The following KIAA1217 variants were observed in gnomAD, a reference collection of about 807,000 sequenced individuals.
The protein encoded by KIAA1217 is sickle tail protein homolog.
Under a neutral mutation model 163.9 loss-of-function variants are expected in KIAA1217, and 88 were observed. The ratio of observed to expected loss-of-function variants is 0.54; its 90% CI spans 0.45 to 0.64. The LOEUF is 0.64. Ranked by LOEUF, KIAA1217 falls within the 30% of genes least tolerant of loss-of-function variation. The pLI is 0.00. For missense variants in KIAA1217, 2,372 were observed against 2,475.0 expected (o/e 0.96, Z 0.88); for synonymous variants, 903 against 923.1 (o/e 0.98, Z 0.39).
At chr10:24,303,206 G>A (rs1261680617) in intron 2 of KIAA1217, among the ~76,000 whole-genome samples, 2 of 151,806 alleles carry the variant, frequency 1.3e-5, no homozygotes, top group African/African-American at 4.8e-5. Flanking sequence ...TTTAGAGACA[G>A]GATCTTGCTG....
At chr10:24,417,563 G>A (rs2058360788) in intron 3 of KIAA1217, among the ~76,000 whole-genome samples, 2 of 152,320 alleles carry the variant, frequency 1.3e-5, no homozygotes, top group South Asian at 2.1e-4. Flanking sequence ...TTCCACGAGA[G>A]CATAGACTGA....
chr10:23,944,146 C>T (rs555894905), intron 1 of KIAA1217, among the ~76,000 whole-genome samples: 16 of 152,210 alleles, frequency 1.1e-4, no homozygotes, highest in South Asian at 8.3e-4. Flanking sequence ...ATAAGTAGGC[C>T]GGGCACGGTG....
upstream of KIAA1217, among the ~76,000 whole-genome samples, chr10:24,206,872 G>T (rs945526272): frequency 2.0e-5 from 3 of 152,246 alleles, no homozygotes; most frequent in Admixed American, 6.5e-5. Context: ...GACCAAGGGG[G>T]TTCCTTGGGC....
At chr10:23,897,698 A>C (rs1841765993) in intron 1 of KIAA1217, among the ~76,000 whole-genome samples, 1 of 152,024 alleles carries the variant, frequency 6.6e-6, no homozygotes, top group Non-Finnish European at 1.5e-5. Flanking sequence ...TTCAACCTTC[A>C]TTGAACACTG....
At position 23,863,378 on chromosome 10, in the gene KIAA1217, G is replaced by A. The variant is rs371312792; in HGVS notation, c.-320-143847G>A. Among the ~76,000 whole-genome samples, 27 of 152,184 alleles carry A rather than the reference G, an allele frequency of 1.8e-4. 1 individual carries two copies. The highest frequency in any genetic ancestry group is 6.5e-4 in the African/African-American group (27 of 41,526). On this transcript the variant is annotated intron_variant, in intron 1 of 18. Coordinates refer to the KIAA1217 transcript ENST00000376462. ...TCCATTGTGATAGTATTAAGAGGTGGGACTTTTAAGAGCTAATGAGGCTAT... is the reference window on the plus strand; with the variant it reads ...TCCATTGTGATAGTATTAAGAGGTGAGACTTTTAAGAGCTAATGAGGCTAT...
Position 24,219,892 on chromosome 10 carries a change from G to A in KIAA1217, c.337G>A (p.Glu113Lys). 1 of 1,601,092 alleles carries A rather than the reference G, an allele frequency of 6.2e-7. No homozygotes were observed. The highest frequency in any genetic ancestry group is 8.5e-7 in the Non-Finnish European group (1 of 1,173,276). The stretch of plus-strand genomic sequence containing the variant: ...CGCCTCTGCAATCATGGGTCACCAA[G>A]AGAGGCTGAGAGACCAGGTACGAAT... ...HHASAIMGHQ[E>K]RLRDQTRSPK... Residue 113 changes from glutamate (E) to lysine (K), a missense_variant, in exon 2 of 21, where the codon GAG (glutamate) becomes AAG (lysine). Physicochemically the swap from Glu to Lys is moderately conservative, Grantham distance 56 (BLOSUM62 1). Around this residue, in one of 3 missense-constraint regions of KIAA1217, gnomAD observed 1,431 missense variants for 1,470.3 expected, o/e 0.97. Transcript: ENST00000376454.
chr10:23,749,684 C>T (rs531407515), intron 1 of KIAA1217, among the ~76,000 whole-genome samples: 3 of 152,316 alleles, frequency 2.0e-5, no homozygotes, highest in East Asian at 3.9e-4. Context: ...GGATTATAGG[C>T]GTGAGCCACC....
At chr10:23,826,092 G>A (rs180920640) in intron 1 of KIAA1217, among the ~76,000 whole-genome samples, 1 of 152,124 alleles carries the variant, frequency 6.6e-6, no homozygotes, top group East Asian at 1.9e-4. Flanking sequence ...CCCTAACTTT[G>A]TGATGTAAGA....
chr10:24,113,127 G>T (rs938646675), intron 2 of KIAA1217, among the ~76,000 whole-genome samples: 1 of 152,114 alleles, frequency 6.6e-6, no homozygotes, highest in South Asian at 2.1e-4. Flanking sequence ...GTGACAACGT[G>T]TTACAGTAGC....
At chr10:24,457,249 A>G (rs1448054149) in intron 5 of KIAA1217, among the ~76,000 whole-genome samples, 1 of 152,162 alleles carries the variant, frequency 6.6e-6, no homozygotes, top group Non-Finnish European at 1.5e-5. Context: ...TTGAGGGAAG[A>G]TAAGCTACCT....
At chr10:24,079,415 C>T (rs967748798) in intron 2 of KIAA1217, among the ~76,000 whole-genome samples, 2 of 152,134 alleles carry the variant, frequency 1.3e-5, no homozygotes, top group Admixed American at 1.3e-4. Flanking sequence ...TGTCCACGCT[C>T]TCCTGGTACA....
chr10:23,830,595 AAG>A (rs35538168), intron 1 of KIAA1217, among the ~76,000 whole-genome samples: 55 of 152,092 alleles, frequency 3.6e-4, no homozygotes, highest in Non-Finnish European at 7.1e-4. Context: ...GCATGAAAGA[AAG>A]AGAGAGAGAA....
At chr10:24,416,310 G>A (rs1328923740) in intron 3 of KIAA1217, among the ~76,000 whole-genome samples, 1 of 152,152 alleles carries the variant, frequency 6.6e-6, no homozygotes, top group Non-Finnish European at 1.5e-5. Flanking sequence ...TCAGATCCCT[G>A]CAGAAGTAGA....
At chr10:23,890,245 T>G (rs1410109717) in intron 1 of KIAA1217, among the ~76,000 whole-genome samples, 1 of 151,738 alleles carries the variant, frequency 6.6e-6, no homozygotes, top group East Asian at 1.9e-4. Flanking sequence ...TGATCTTTGT[T>G]ATTTTCTTAT....
intron 1 of KIAA1217, among the ~76,000 whole-genome samples, chr10:23,828,872 C>T (rs1297830949): frequency 6.6e-6 from 1 of 152,162 alleles, no homozygotes; most frequent in African/African-American, 2.4e-5. Flanking sequence ...TGGATTTTCT[C>T]TGCCTTTTTG....
chr10:24,099,345 C>G (rs2062301403), intron 2 of KIAA1217, among the ~76,000 whole-genome samples: 1 of 150,940 alleles, frequency 6.6e-6, no homozygotes, highest in African/African-American at 2.4e-5. Flanking sequence ...TTCCCCTACC[C>G]CACGGCAGGT....
intron 2 of KIAA1217, among the ~76,000 whole-genome samples, chr10:24,377,624 T>C (rs2052688191): frequency 6.6e-6 from 1 of 152,236 alleles, no homozygotes; most frequent in Non-Finnish European, 1.5e-5. Flanking sequence ...AGAGTAAGAT[T>C]TCTTTAATGC....
At chr10:24,461,262 T>G (rs901172052) in intron 5 of KIAA1217, among the ~76,000 whole-genome samples, 13 of 152,338 alleles carry the variant, frequency 8.5e-5, no homozygotes, top group Admixed American at 2.6e-4. Flanking sequence ...TAAAGTTATA[T>G]AACACTCCAT....
chr10:24,329,812 G>A (rs1465793191), intron 2 of KIAA1217, among the ~76,000 whole-genome samples: 1 of 152,094 alleles, frequency 6.6e-6, no homozygotes, highest in Non-Finnish European at 1.5e-5. Flanking sequence ...TTGGAGAAGT[G>A]GCCATTAGCA....
Sources: gnomAD v4.1 joint callset for allele counts (sites outside exome capture counted in the v4.1 genomes callset) on GRCh38, gnomAD v4.1.1 for gene constraint, gnomAD v4.1.1 regional missense constraint, MANE v1.5 for transcripts, NCBI Gene and HGNC (gene_info 2026-07-23, HGNC 2026-07-21) for gene names.